The following GATA4 variants were observed in gnomAD, a reference collection of about 807,000 sequenced individuals.
GATA4 encodes transcription factor GATA-4.
In GATA4, 7 loss-of-function variants were observed where a neutral mutation model predicts 37.9. The ratio of observed to expected loss-of-function variants is 0.18; its 90% confidence interval spans 0.11 to 0.35. GATA4 has a LOEUF of 0.35. GATA4 is among the 10% of genes least tolerant of loss of function. The pLI, the probability that GATA4 is intolerant of heterozygous loss-of-function variation, is 1.00. For synonymous variants in GATA4, 372 were observed against 292.6 expected (o/e 1.27, Z -2.77); for missense variants, 647 against 653.0 (o/e 0.99, Z 0.10).
At chr8:11,734,636 A>G (rs1421356789) in intron 2 of GATA4, among the ~76,000 whole-genome samples, 1 of 152,118 alleles carries the variant, frequency 6.6e-6, no homozygotes, top group Admixed American at 6.5e-5. Context: ...ACAGGCATGC[A>G]CCACCATGCT....
At chr8:11,696,301 C>G (rs1466219522) in intron 1 of GATA4, among the ~76,000 whole-genome samples, 1 of 152,174 alleles carries the variant, frequency 6.6e-6, no homozygotes, top group Non-Finnish European at 1.5e-5. Context: ...CAGCCCCTGG[C>G]AACCTCTGAT....
At chr8:11,734,126 A>G (rs1314653843) in intron 2 of GATA4, among the ~76,000 whole-genome samples, 2 of 152,250 alleles carry the variant, frequency 1.3e-5, no homozygotes, top group Non-Finnish European at 2.9e-5. Context: ...TAAGTGTTTT[A>G]TACATATACA....
chr8:11,691,767 C>G (rs1299883816), upstream of GATA4, among the ~76,000 whole-genome samples: 1 of 152,186 alleles, frequency 6.6e-6, no homozygotes, highest in East Asian at 1.9e-4. Flanking sequence ...TACACTGACA[C>G]TCAGGCCACA....
At chr8:11,705,280 T>C (rs1799843026) in intron 1 of GATA4, among the ~76,000 whole-genome samples, 1 of 152,146 alleles carries the variant, frequency 6.6e-6, no homozygotes, top group African/African-American at 2.4e-5. Context: ...AAAGAAAGCC[T>C]GGGGTGTGGA....
chr8:11,736,488 CA>C (rs1463689899), intron 2 of GATA4, among the ~76,000 whole-genome samples: 3 of 152,346 alleles, frequency 2.0e-5, no homozygotes, highest in Admixed American at 6.5e-5. Context: ...ATAGCGAAGC[CA>C]GGGGCGGACC....
At chr8:11,705,612 G>A (rs184364553) in intron 1 of GATA4, among the ~76,000 whole-genome samples, 1 of 152,214 alleles carries the variant, frequency 6.6e-6, no homozygotes, top group Non-Finnish European at 1.5e-5. Context: ...GAGCTGCTGG[G>A]CTTTCTCCGC....
At chr8:11,735,747 G>C (rs893607240) in intron 2 of GATA4, among the ~76,000 whole-genome samples, 2 of 152,188 alleles carry the variant, frequency 1.3e-5, no homozygotes, top group African/African-American at 4.8e-5. Flanking sequence ...TTTTAGTAGA[G>C]ATGGGGTTTC....
At chr8:11,682,233 A>T (rs1329111216) in intron 1 of GATA4, among the ~76,000 whole-genome samples, 1 of 152,226 alleles carries the variant, frequency 6.6e-6, no homozygotes, top group African/African-American at 2.4e-5. Context: ...ACGGTGTCGG[A>T]TGGCTTCTCC....
chr8:11,721,807 T>G (rs955167299), intron 2 of GATA4, among the ~76,000 whole-genome samples: 6 of 152,126 alleles, frequency 3.9e-5, no homozygotes, highest in African/African-American at 1.2e-4. Flanking sequence ...GACATAGGAT[T>G]ACAATATAGA....
At chr8:11,737,294 A>G (rs1265310735) in intron 2 of GATA4, among the ~76,000 whole-genome samples, 2 of 152,192 alleles carry the variant, frequency 1.3e-5, no homozygotes, top group Non-Finnish European at 2.9e-5. Context: ...TAAATCTCCC[A>G]GCTGGCTGCT....
chr8:11,698,170 G>A (rs146302386), intron 1 of GATA4, among the ~76,000 whole-genome samples: 2 of 152,244 alleles, frequency 1.3e-5, no homozygotes, highest in South Asian at 2.1e-4. Flanking sequence ...ACTTCCCAGG[G>A]TCTGTGGTCT....
chr8:11,753,415 G>A (rs563719283), intron 4 of GATA4, among the ~76,000 whole-genome samples: 180 of 151,872 alleles, frequency 1.2e-3, no homozygotes, highest in Non-Finnish European at 1.8e-3. Context: ...GTGTGAATGC[G>A]CTTAACACTA....
intron 2 of GATA4, among the ~76,000 whole-genome samples, chr8:11,739,267 C>G (rs1177862717): frequency 2.0e-5 from 3 of 152,162 alleles, no homozygotes; most frequent in African/African-American, 7.2e-5. Flanking sequence ...TGTAATAAAC[C>G]AACTCCAATT....
intron 1 of GATA4, chr8:11,697,800 G>C (rs1162185345): frequency 2.3e-5 from 23 of 985,340 alleles, no homozygotes; most frequent in Admixed American, 1.2e-4. Flanking sequence ...CTCGGGGCGA[G>C]GGCAAGGGTG....
At chr8:11,684,383 T>C (rs923018916) in intron 1 of GATA4, among the ~76,000 whole-genome samples, 4 of 152,238 alleles carry the variant, frequency 2.6e-5, no homozygotes, top group African/African-American at 9.6e-5. Context: ...TGCAGGAATG[T>C]GCTTCTCAAA....
intron 2 of GATA4, among the ~76,000 whole-genome samples, chr8:11,711,883 T>C (rs367663945): frequency 6.6e-6 from 1 of 151,982 alleles, no homozygotes; most frequent in East Asian, 1.9e-4. Context: ...CCCTGAGTCA[T>C]GGAGGGAAGA....
chr8:11,719,539 T>A (rs1251664326), intron 2 of GATA4, among the ~76,000 whole-genome samples: 3 of 152,116 alleles, frequency 2.0e-5, no homozygotes, highest in Admixed American at 2.0e-4. Context: ...TGAAACTCAA[T>A]GTATATTTAT....
chr8:11,737,722 C>T (rs1261061361), intron 2 of GATA4, among the ~76,000 whole-genome samples: 2 of 152,100 alleles, frequency 1.3e-5, no homozygotes, highest in East Asian at 3.9e-4. Context: ...TCCATTTTCC[C>T]ATTAGGGAAT....
At chr8:11,713,113 G>T (rs936074590) in intron 2 of GATA4, among the ~76,000 whole-genome samples, 4 of 151,898 alleles carry the variant, frequency 2.6e-5, no homozygotes, top group Non-Finnish European at 5.9e-5. Flanking sequence ...TCTTATGTTG[G>T]TTATGTGAAT....
Sources: allele counts gnomAD v4.1 joint callset (sites outside exome capture counted in the v4.1 genomes callset), GRCh38; gene constraint gnomAD v4.1.1; transcripts MANE v1.5; gene names NCBI Gene and HGNC (gene_info 2026-07-23, HGNC 2026-07-21).